Variants in COPG2 observed in about 807,000 individuals in gnomAD.
The protein encoded by COPG2 is coatomer subunit gamma-2.
A neutral mutation model predicts 46.3 loss-of-function variants in COPG2; 37 were observed. The observed-to-expected ratio is 0.80, with a 90% confidence interval of 0.61 to 1.05. COPG2 has a LOEUF of 1.05. Ranked by LOEUF, COPG2 falls within the 50% of genes least tolerant of loss-of-function variation. The pLI, the probability that COPG2 is intolerant of heterozygous loss-of-function variation, is 0.00. For synonymous variants in COPG2, 159 were observed against 129.7 expected, an observed-to-expected ratio of 1.23 and a Z score of -1.53; for missense variants, 427 against 387.8, an observed-to-expected ratio of 1.10 and a Z score of -0.85.
chr7:130,612,045 A>G, intron 8 of COPG2, 107 bp downstream of exon 8: 1 of 756,404 alleles, frequency 1.3e-6, no homozygotes, highest in Non-Finnish European at 2.3e-6. Flanking sequence ...TAGCTGCTTA[A>G]TTTGCCTTTA....
At chr7:130,573,540 G>C (rs1793947635) in intron 9 of COPG2, among the ~76,000 whole-genome samples, 1 of 151,730 alleles carries the variant, frequency 6.6e-6, no homozygotes, top group Non-Finnish European at 1.5e-5. Flanking sequence ...TTTAACACCA[G>C]AAAATCACAT....
chr7:130,523,241 G>A (rs1799740845), intron 20 of COPG2, among the ~76,000 whole-genome samples: 1 of 151,960 alleles, frequency 6.6e-6, no homozygotes, highest in Non-Finnish European at 1.5e-5. Context: ...GGTGGGGGGT[G>A]GGTTTCACCC....
intron 20 of COPG2, among the ~76,000 whole-genome samples, chr7:130,527,700 G>A (rs1309900012): frequency 3.9e-5 from 6 of 152,174 alleles, no homozygotes; most frequent in Non-Finnish European, 8.8e-5. Flanking sequence ...AGGATGGAGA[G>A]CCGGGCAGAT....
chr7:130,539,405 A>G (rs1176745232), intron 20 of COPG2, among the ~76,000 whole-genome samples: 1 of 152,202 alleles, frequency 6.6e-6, no homozygotes, highest in Non-Finnish European at 1.5e-5. Context: ...AAGGGAAGGC[A>G]CTGGCCTCAA....
intron 5 of COPG2, among the ~76,000 whole-genome samples, chr7:130,632,553 C>A (rs1554455363): frequency 1.3e-5 from 2 of 152,110 alleles, no homozygotes; most frequent in African/African-American, 4.8e-5. Context: ...CCTTTCTCCT[C>A]TTCTTCAGGG....
At chr7:130,540,407 G>C (rs1799924754) in intron 20 of COPG2, among the ~76,000 whole-genome samples, 1 of 152,048 alleles carries the variant, frequency 6.6e-6, no homozygotes, top group African/African-American at 2.4e-5. Flanking sequence ...TCTGAAAAAA[G>C]GGGTGGGGAT....
At chr7:130,575,485 TTTCA>T (rs1193495944) in intron 9 of COPG2, among the ~76,000 whole-genome samples, 4 of 152,092 alleles carry the variant, frequency 2.6e-5, no homozygotes, top group Non-Finnish European at 5.9e-5. Flanking sequence ...ATACAGTCTT[TTTCA>T]GACAAACAAA....
chr7:130,507,881 A>AAGG, intron 21 of COPG2, 58 bp from the exon 22 acceptor site: 1 of 763,660 alleles, frequency 1.3e-6, no homozygotes, highest in Non-Finnish European at 2.4e-6. Context: ...GGCAAAGATA[A>AAGG]AGGAACTAGT....
At chr7:130,613,509 A>T in intron 7 of COPG2, 35 bp downstream of exon 7, 1 of 1,312,620 alleles carries the variant, frequency 7.6e-7, no homozygotes, top group South Asian at 1.3e-5. Flanking sequence ...AAACTGTACC[A>T]TGCTTAAGAA....
chr7:130,559,147 T>G (rs1017861424), intron 12 of COPG2, among the ~76,000 whole-genome samples: 1 of 152,156 alleles, frequency 6.6e-6, no homozygotes, highest in African/African-American at 2.4e-5. Flanking sequence ...ATTCATAACA[T>G]CTTTCACAGA....
intron 9 of COPG2, among the ~76,000 whole-genome samples, chr7:130,606,301 AAAAG>A (rs782655441): frequency 5.9e-5 from 9 of 151,930 alleles, no homozygotes; most frequent in South Asian, 2.1e-4. Context: ...AGAGAGAAAG[AAAAG>A]AAAGAAAGAG....
intron 5 of COPG2, among the ~76,000 whole-genome samples, chr7:130,639,199 C>T (rs373979765): frequency 1.6e-4 from 24 of 152,322 alleles, no homozygotes; most frequent in African/African-American, 3.8e-4. Flanking sequence ...CACACCTCCA[C>T]GTCTGAGCTA....
intron 9 of COPG2, among the ~76,000 whole-genome samples, chr7:130,608,691 T>G (rs782622783): frequency 9.9e-5 from 15 of 152,192 alleles, no homozygotes; most frequent in Non-Finnish European, 1.5e-4. Flanking sequence ...TTTCCCTGAA[T>G]CTAATGAATC....
At chr7:130,666,111 C>A (rs1796074732) in intron 3 of COPG2, among the ~76,000 whole-genome samples, 1 of 152,138 alleles carries the variant, frequency 6.6e-6, no homozygotes, top group African/African-American at 2.4e-5. Context: ...TTATCATAAT[C>A]CCCATGTAGA....
At chr7:130,632,496 G>T (rs1554455349) in intron 5 of COPG2, among the ~76,000 whole-genome samples, 5 of 152,060 alleles carry the variant, frequency 3.3e-5, no homozygotes, top group Non-Finnish European at 7.4e-5. Context: ...CTCCAAATTT[G>T]TAAGTTTTCA....
chr7:130,614,825 T>C (rs1794919457), intron 6 of COPG2, among the ~76,000 whole-genome samples: 2 of 152,194 alleles, frequency 1.3e-5, no homozygotes, highest in South Asian at 2.1e-4. Flanking sequence ...AAGTTGAAGA[T>C]CTGGAAATTT....
chr7:130,542,525 C>T (rs1292040134), intron 20 of COPG2, among the ~76,000 whole-genome samples: 1 of 151,854 alleles, frequency 6.6e-6, no homozygotes, highest in East Asian at 1.9e-4. Flanking sequence ...GGGGGCAGGG[C>T]AGGAAGGGGT....
At chr7:130,591,662 C>T (rs1196854475) in intron 9 of COPG2, among the ~76,000 whole-genome samples, 6 of 148,556 alleles carry the variant, frequency 4.0e-5, no homozygotes, top group African/African-American at 7.4e-5. Flanking sequence ...CGCCTCTGCC[C>T]GGCCGCCCCT....
rs1391581744 is a variant in COPG2 at position 130,554,528 on chromosome 7, C to T, written c.1421G>A (p.Arg474His). ...CAGGACAACCCTATTAAAAATAAAA[C>T]GGATATATTTGGAGGGGACAGGCGT... Reference protein sequence around the residue: ...PRTPVPSKYIRFIFNRVVLEN... With the variant: ...PRTPVPSKYIHFIFNRVVLEN... The change falls in exon 14 of 24, where the codon CGT becomes CAT. Residue 474 changes from arginine to histidine, a missense_variant. By Grantham distance (29) the Arg-to-His change is conservative. Transcript: ENST00000425248. 11 of 398,460 alleles carry T rather than the reference C, an allele frequency of 2.8e-5. No individual in the cohort carries two copies. Among genetic ancestry groups the T allele is most frequent in the East Asian group, 1.1e-4 (3 of 28,092 alleles). The allele number at this position is 398,460 out of a possible 1,614,324, so 24.7% of individuals were successfully genotyped here.
Sources: gnomAD v4.1 joint callset for allele counts (sites outside exome capture counted in the v4.1 genomes callset) on GRCh38, gnomAD v4.1.1 for gene constraint, MANE v1.5 for transcripts, NCBI Gene and HGNC (gene_info 2026-07-23, HGNC 2026-07-21) for gene names.